DAD1: variants seen among roughly 807,000 people sequenced by gnomAD.
DAD1 encodes dolichyl-diphosphooligosaccharide--protein glycosyltransferase subunit DAD1.
DAD1 carries 4 observed loss-of-function variants against 9.0 expected under a neutral mutation model. That is an observed-to-expected ratio of 0.44 (90% confidence interval 0.22 to 1.01). DAD1 has a LOEUF of 1.01. Among genes scored for constraint, DAD1 ranks in the 50% least tolerant of loss-of-function variants. The probability of loss-of-function intolerance (pLI) is 0.24; values close to 1 mark genes in which losing one functional copy is unlikely to be tolerated. For synonymous variants in DAD1, 60 were observed against 62.5 expected (o/e 0.96, Z 0.19); for missense variants, 119 against 137.3 (o/e 0.87, Z 0.67).
At chr14:22,582,579 G>A (rs994320081) in intron 1 of DAD1, among the ~76,000 whole-genome samples, 1 of 152,172 alleles carries the variant, frequency 6.6e-6, no homozygotes, top group Non-Finnish European at 1.5e-5. Flanking sequence ...AAAGAGCTCA[G>A]GGGAATGGTA....
chr14:22,569,408 G>GCACT (rs2037023069), intron 2 of DAD1, among the ~76,000 whole-genome samples: 3 of 150,092 alleles, frequency 2.0e-5, no homozygotes, highest in Non-Finnish European at 4.4e-5. Flanking sequence ...ACTACAGCCT[G>GCACT]GACAACAAAG....
chr14:22,583,338 G>C (rs1414636511), intron 1 of DAD1, among the ~76,000 whole-genome samples: 1 of 150,764 alleles, frequency 6.6e-6, no homozygotes, highest in Admixed American at 6.6e-5. Context: ...AAGCAGTGAG[G>C]TGAGACAGAA....
In DAD1 at chr14:22,589,152, C is replaced by A. The variant is rs777130478; in HGVS notation, c.6G>T (p.Ser2=). The change falls in exon 1 of 3, where the codon TCG becomes TCT. Residue 2 remains serine, a synonymous_variant. Transcript: ENST00000250498. M[S]ASVVSVISRF... is the part of the protein sequence containing the mutation. ...GCGAAATGACAGACACTACCGACGC[C>A]GACATAACTGCACGCAAGGTACTCC... is the stretch of plus-strand genomic sequence containing the variant. 2 of 1,614,162 alleles carry A rather than the reference C, an allele frequency of 1.2e-6. No homozygotes were observed. The highest frequency in any genetic ancestry group is 1.7e-6 in the Non-Finnish European group (2 of 1,180,036).
At chr14:22,571,622 GCTC>G (rs1332114808) in intron 2 of DAD1, among the ~76,000 whole-genome samples, 60 of 132,308 alleles carry the variant, frequency 4.5e-4, no homozygotes, top group African/African-American at 1.4e-3. Flanking sequence ...CTAGCAAGGG[GCTC>G]TTTTTTTTTT....
chr14:22,588,614 G>C (rs2037170025), intron 1 of DAD1, among the ~76,000 whole-genome samples: 1 of 152,182 alleles, frequency 6.6e-6, no homozygotes, highest in South Asian at 2.1e-4. Context: ...TTTTTCATTT[G>C]AAAAGTCTAC....
At chr14:22,573,658 C>T (rs766424627) in intron 2 of DAD1, among the ~76,000 whole-genome samples, 9 of 136,938 alleles carry the variant, frequency 6.6e-5, no homozygotes, top group Non-Finnish European at 1.2e-4. Flanking sequence ...TGCAGTGAGC[C>T]GAGATCGCAC....
At chr14:22,573,287 T>C (rs773044903) in intron 2 of DAD1, among the ~76,000 whole-genome samples, 2 of 152,018 alleles carry the variant, frequency 1.3e-5, no homozygotes, top group African/African-American at 2.4e-5. Flanking sequence ...GCTGGGATTA[T>C]AGGCATGAAC....
At chr14:22,581,591 A>AC (rs1211430460) in intron 1 of DAD1, among the ~76,000 whole-genome samples, 42,271 of 151,586 alleles carry the variant, frequency 0.28, 6,139 homozygotes, top group Non-Finnish European at 0.3. Flanking sequence ...AAAATACAAA[A>AC]AATTAGCCAG....
intron 1 of DAD1, among the ~76,000 whole-genome samples, chr14:22,588,320 A>G (rs1359050961): frequency 6.6e-6 from 1 of 152,210 alleles, no homozygotes; most frequent in Non-Finnish European, 1.5e-5. Context: ...ATTGATGGAG[A>G]CTGTTCTCGC....
intron 1 of DAD1, among the ~76,000 whole-genome samples, chr14:22,584,422 C>G (rs1357913747): frequency 6.6e-6 from 1 of 151,962 alleles, no homozygotes; most frequent in African/African-American, 2.4e-5. Context: ...GGAAGGGTTC[C>G]AAAGGGCAAT....
chr14:22,568,961 A>G (rs1393830834), intron 2 of DAD1, among the ~76,000 whole-genome samples: 2 of 152,112 alleles, frequency 1.3e-5, no homozygotes, highest in Non-Finnish European at 2.9e-5. Context: ...GGCCTCCCCA[A>G]GTGCTGGGAT....
chr14:22,572,606 A>G (rs1594880738), intron 2 of DAD1, among the ~76,000 whole-genome samples: 1 of 152,304 alleles, frequency 6.6e-6, no homozygotes, highest in East Asian at 1.9e-4. Flanking sequence ...TGCAGTACAC[A>G]GTTTCTGCTG....
Position 22,579,962 on chromosome 14 carries a change from CCT to C in DAD1, c.212-4731_212-4730del, listed in dbSNP as rs1193332328. 6.6e-5 allele frequency among the ~76,000 whole-genome samples: 10 copies of C among 151,856 alleles called. No homozygotes were observed. In the South Asian group the frequency reaches 1.0e-3, roughly 16 times the overall value. ...TCAAACAATCCTCCCACCTCAGCCC[CCT>C]GAGTAGCTGAGACAACAGTCATGCA... is the stretch of plus-strand genomic sequence containing the variant. On this transcript the variant is annotated intron_variant, in intron 1 of 2. Coordinates refer to ENST00000250498, the MANE Select transcript of DAD1 (RefSeq NM_001344.4).
chr14:22,575,203 T>C lies in DAD1; in HGVS notation c.242A>G (p.Asn81Ser). Reference sequence around the variant, plus strand: ...GGAGATGCCTTGGAAATCCGCTTTGTTCTGTGGGTTGATCTGTATTCTCAG... The same window carrying C: ...GGAGATGCCTTGGAAATCCGCTTTGCTCTGTGGGTTGATCTGTATTCTCAG... ...VCLRIQINPQ[N>S]KADFQGISPE... The change falls in exon 2 of 3, where the codon AAC becomes AGC. Residue 81 changes from asparagine (N) to serine (S), a missense_variant. Asn to Ser is a conservative substitution (Grantham distance 46, BLOSUM62 1). Transcript: ENST00000250498. The C allele has an allele frequency of 6.2e-7, 1 of 1,614,196 alleles. No homozygotes were observed. The highest frequency in any genetic ancestry group is 1.1e-5 in the South Asian group (1 of 91,082).
chr14:22,583,445 T>A (rs963227487), intron 1 of DAD1, among the ~76,000 whole-genome samples: 6 of 152,062 alleles, frequency 3.9e-5, no homozygotes, highest in Non-Finnish European at 8.8e-5. Context: ...GCAAGAGTAG[T>A]TTCAGTGAAG....
chr14:22,574,979 A>G (rs903263321), intron 2 of DAD1, 80 bp downstream of exon 2: 1 of 1,285,584 alleles, frequency 7.8e-7, no homozygotes, highest in African/African-American at 1.5e-5. Flanking sequence ...GAGCCTGGCC[A>G]ACCATGATCA....
chr14:22,584,475 G>A (rs966895452), intron 1 of DAD1, among the ~76,000 whole-genome samples: 3 of 152,050 alleles, frequency 2.0e-5, no homozygotes, highest in Non-Finnish European at 4.4e-5. Flanking sequence ...TAGCTACTCA[G>A]GAGGCTGAGG....
chr14:22,588,686 T>A (rs1047816206), intron 1 of DAD1, among the ~76,000 whole-genome samples: 1 of 152,214 alleles, frequency 6.6e-6, no homozygotes, highest in Non-Finnish European at 1.5e-5. Context: ...CGGACCAATA[T>A]TAAGTGAAGT....
At chr14:22,587,945 A>G (rs1480115845) in intron 1 of DAD1, among the ~76,000 whole-genome samples, 1 of 152,184 alleles carries the variant, frequency 6.6e-6, no homozygotes, top group Non-Finnish European at 1.5e-5. Context: ...CATGTTGGCC[A>G]GGCTGGTCTT....
Sources: gnomAD v4.1 joint callset for allele counts (sites outside exome capture counted in the v4.1 genomes callset) on GRCh38, gnomAD v4.1.1 for gene constraint, MANE v1.5 for transcripts, NCBI Gene and HGNC (gene_info 2026-07-23, HGNC 2026-07-21) for gene names.